The following RGS6 variants were observed in gnomAD, a reference collection of about 807,000 sequenced individuals.
RGS6 encodes the protein regulator of G-protein signaling 6.
In RGS6, 30 loss-of-function variants were observed where a neutral mutation model predicts 78.5. The ratio of observed to expected loss-of-function variants is 0.38; its 90% CI spans 0.29 to 0.52. The LOEUF (loss-of-function observed/expected upper bound fraction) is 0.52, where lower values mean the gene tolerates loss of function less well. Among genes scored for constraint, RGS6 ranks in the 20% least tolerant of loss-of-function variants. The pLI is 0.85. For missense variants in RGS6, 495 were observed against 609.7 expected, an observed-to-expected ratio of 0.81 and a Z score of 1.98; for synonymous variants, 206 against 206.0, an observed-to-expected ratio of 1.00 and a Z score of 0.00.
At chr14:72,457,379 T>G (rs1481735364) in intron 4 of RGS6, among the ~76,000 whole-genome samples, 5 of 152,252 alleles carry the variant, frequency 3.3e-5, no homozygotes, top group African/African-American at 9.6e-5. Flanking sequence ...AACAGTACTT[T>G]TGGATTTGTG....
At chr14:72,488,827 C>G (rs1003079075) in intron 12 of RGS6, among the ~76,000 whole-genome samples, 2 of 152,176 alleles carry the variant, frequency 1.3e-5, no homozygotes, top group Non-Finnish European at 2.9e-5. Context: ...GGTTGGACCC[C>G]ACTTCCCAGG....
intron 15 of RGS6, among the ~76,000 whole-genome samples, chr14:72,528,833 A>G (rs1404391415): frequency 6.6e-6 from 1 of 152,218 alleles, no homozygotes; most frequent in Non-Finnish European, 1.5e-5. Flanking sequence ...CACTTTGCAG[A>G]TTCTGAATAT....
At chr14:72,160,754 C>T (rs950043441) in intron 2 of RGS6, among the ~76,000 whole-genome samples, 2 of 152,260 alleles carry the variant, frequency 1.3e-5, no homozygotes, top group African/African-American at 4.8e-5. Context: ...ATAAAAAGAG[C>T]CCTTTCAGAG....
chr14:72,370,056 T>C (rs922641867), intron 3 of RGS6, among the ~76,000 whole-genome samples: 5 of 152,090 alleles, frequency 3.3e-5, no homozygotes, highest in Admixed American at 2.6e-4. Flanking sequence ...TATACATTTA[T>C]ATAATCAAAA....
the RGS6 span, among the ~76,000 whole-genome samples, chr14:71,893,048 T>A: frequency 6.6e-6 from 1 of 152,288 alleles, no homozygotes; most frequent in African/African-American, 2.4e-5. Context: ...ATATAGACAT[T>A]GTAAAATCTT....
intron 2 of RGS6, among the ~76,000 whole-genome samples, chr14:72,017,329 T>C (rs1278964656): frequency 3.9e-5 from 6 of 152,280 alleles, no homozygotes; most frequent in African/African-American, 1.4e-4. Context: ...TTAATTTTCA[T>C]GGTTTAGATA....
intron 2 of RGS6, among the ~76,000 whole-genome samples, chr14:72,241,302 A>C (rs1053026203): frequency 6.6e-6 from 1 of 152,228 alleles, no homozygotes; most frequent in Non-Finnish European, 1.5e-5. Context: ...CCATGTGCAT[A>C]TTAACAACCC....
At chr14:72,132,313 G>A (rs1407377709) in intron 2 of RGS6, among the ~76,000 whole-genome samples, 1 of 142,510 alleles carries the variant, frequency 7.0e-6, no homozygotes, top group Non-Finnish European at 1.5e-5. Flanking sequence ...GTCTCACTCT[G>A]TTGCCCAGGC....
At chr14:72,593,293 G>T in the RGS6 span, among the ~76,000 whole-genome samples, 1 of 152,218 alleles carries the variant, frequency 6.6e-6, no homozygotes, top group African/African-American at 2.4e-5. Context: ...TATTTAGACT[G>T]ATGTTTGCCA....
At chr14:72,150,393 T>A (rs1288149922) in intron 2 of RGS6, among the ~76,000 whole-genome samples, 1 of 152,042 alleles carries the variant, frequency 6.6e-6, no homozygotes, top group South Asian at 2.1e-4. Flanking sequence ...AGAATAAATT[T>A]CTGTTTTAAG....
the RGS6 span, among the ~76,000 whole-genome samples, chr14:72,591,105 G>C: frequency 0.25 from 37,802 of 152,170 alleles, 6,067 homozygotes; most frequent in East Asian, 0.72. Context: ...TCATTGTCTG[G>C]GAGAAAGTTT....
chr14:72,356,545 C>G (rs911354377), intron 3 of RGS6, among the ~76,000 whole-genome samples: 1 of 152,120 alleles, frequency 6.6e-6, no homozygotes, highest in Non-Finnish European at 1.5e-5. Context: ...GATTCGGATT[C>G]AAGTCTGAAG....
chr14:72,364,433 C>T (rs1305774094), intron 3 of RGS6, among the ~76,000 whole-genome samples: 1 of 152,238 alleles, frequency 6.6e-6, no homozygotes, highest in African/African-American at 2.4e-5. Flanking sequence ...AATCAGCCCA[C>T]ACTTCAGCCT....
chr14:72,086,809 C>T (rs2095058568), intron 2 of RGS6, among the ~76,000 whole-genome samples: 1 of 152,174 alleles, frequency 6.6e-6, no homozygotes, highest in African/African-American at 2.4e-5. Flanking sequence ...ATCTTGTGAA[C>T]TGGGTTCTAG....
intron 1 of RGS6, among the ~76,000 whole-genome samples, chr14:71,936,814 C>G (rs925584227): frequency 3.3e-5 from 5 of 152,168 alleles, no homozygotes; most frequent in African/African-American, 1.2e-4. Context: ...GGAGGAAATA[C>G]TCTTGACAAT....
chr14:71,972,407 A>G (rs1397226047), intron 2 of RGS6, among the ~76,000 whole-genome samples: 1 of 151,906 alleles, frequency 6.6e-6, no homozygotes, highest in Non-Finnish European at 1.5e-5. Context: ...TTGGAAATAC[A>G]TTTTCCTTAA....
chr14:72,364,922 C>T (rs2082182557), intron 3 of RGS6, among the ~76,000 whole-genome samples: 1 of 152,198 alleles, frequency 6.6e-6, no homozygotes, highest in Admixed American at 6.5e-5. Context: ...ACCACTTTCT[C>T]AGCAACACAG....
chr14:72,474,871 T>G (rs2096193821), intron 10 of RGS6, among the ~76,000 whole-genome samples, 172 bp downstream of exon 10: 1 of 152,232 alleles, frequency 6.6e-6, no homozygotes, highest in Non-Finnish European at 1.5e-5. Flanking sequence ...GCTGTGCTCG[T>G]GCTAGGATAC....
intron 2 of RGS6, among the ~76,000 whole-genome samples, chr14:72,149,784 C>A (rs764058222): frequency 6.6e-6 from 1 of 152,074 alleles, no homozygotes; most frequent in Non-Finnish European, 1.5e-5. Flanking sequence ...TCATATATCT[C>A]CAAATTTAAA....
Sources: allele counts gnomAD v4.1 joint callset (sites outside exome capture counted in the v4.1 genomes callset), GRCh38; gene constraint gnomAD v4.1.1; transcripts MANE v1.5; gene names NCBI Gene and HGNC (gene_info 2026-07-23, HGNC 2026-07-21).